The following CDK6 variants were observed in gnomAD, a reference collection of about 807,000 sequenced individuals.
The protein encoded by CDK6 is cyclin-dependent kinase 6.
A neutral mutation model predicts 37.1 loss-of-function variants in CDK6; 6 were observed. The ratio of observed to expected loss-of-function variants is 0.16; its 90% CI spans 0.09 to 0.32. The LOEUF (loss-of-function observed/expected upper bound fraction) is 0.32. Among genes scored for constraint, CDK6 ranks in the 10% least tolerant of loss-of-function variants. The pLI is 1.00. For missense variants in CDK6, 224 were observed against 418.9 expected, an observed-to-expected ratio of 0.53 and a Z score of 4.06; for synonymous variants, 160 against 161.3, an observed-to-expected ratio of 0.99 and a Z score of 0.06.
rs985963167 is a variant in CDK6 at position 92,745,740 on chromosome 7, C to A, written c.370-19947G>T. On this transcript the variant is annotated intron_variant, in intron 3 of 7. Transcript: ENST00000424848. ...TAAATGTAGCCGCTATTTCCAGGAA[C>A]CTGTGTTGCTGATAAGTCTGCTGCT... Among the ~76,000 whole-genome samples, 8 of 152,262 alleles carry A rather than the reference C, an allele frequency of 5.3e-5. No individual in the cohort carries two copies. In the East Asian group the frequency reaches 7.7e-4, roughly 15 times the overall value.
At chr7:92,675,343 A>G (rs1214203230) in intron 4 of CDK6, among the ~76,000 whole-genome samples, 1 of 152,216 alleles carries the variant, frequency 6.6e-6, no homozygotes, top group Non-Finnish European at 1.5e-5. Flanking sequence ...AATTTTTATC[A>G]AATGCTTTTT....
chr7:92,761,738 C>G (rs1252033588), intron 3 of CDK6, among the ~76,000 whole-genome samples: 3 of 152,120 alleles, frequency 2.0e-5, no homozygotes, highest in Non-Finnish European at 4.4e-5. Flanking sequence ...AGTAAGAAGT[C>G]CAGTGAAACT....
rs1166201705 is a variant in CDK6, at chr7:92,605,110, AAACT to A, written c.*10026_*10029del. On this transcript the variant is annotated 3_prime_UTR_variant, in exon 8 of 8. Transcript: ENST00000424848. ...AATACAAAAGGTATTACAAATATACAAACTATTTGCTCTTTTTGCCTCATTCAAT... is the reference window on the plus strand; with the variant it reads ...AATACAAAAGGTATTACAAATATACAATTTGCTCTTTTTGCCTCATTCAAT... 4.3e-6 allele frequency: 1 copy of A among 232,466 alleles called. No homozygotes were observed. The highest frequency in any genetic ancestry group is 2.2e-5 in the African/African-American group (1 of 45,314). 14.4% of individuals were successfully genotyped at this position (232,466 alleles called of 1,614,324 possible). A position where few individuals can be genotyped will look rare whatever the true frequency, so the allele number is the denominator to read the frequency against.
At chr7:92,804,693 C>CAG (rs1224518569) in intron 2 of CDK6, among the ~76,000 whole-genome samples, 1 of 152,102 alleles carries the variant, frequency 6.6e-6, no homozygotes, top group African/African-American at 2.4e-5. Flanking sequence ...TTTTGAAATG[C>CAG]AGAGCTCTGA....
rs1417703963 is a variant in CDK6, at chr7:92,792,872, C to T, written c.234-18041G>A. The stretch of plus-strand genomic sequence containing the variant: ...AGCAATAGTTTGGGAAGTTATCAGC[C>T]TCCAGATGAGACGGAATCTTGGAGG... On this transcript the variant is annotated intron_variant, in intron 2 of 7. Transcript: ENST00000424848. Among the ~76,000 whole-genome samples the T allele has an allele frequency of 4.0e-5, 6 of 151,898 alleles. No individual in the cohort carries two copies. In the South Asian group the frequency reaches 1.2e-3, roughly 31 times the overall value.
chr7:92,755,991 C>T (rs758644770), intron 3 of CDK6, among the ~76,000 whole-genome samples: 8 of 152,068 alleles, frequency 5.3e-5, no homozygotes, highest in Non-Finnish European at 1.2e-4. Context: ...TTGCCCACAA[C>T]GTTTTGCAAG....
At chr7:92,621,152 A>AT (rs755903279) in intron 6 of CDK6, among the ~76,000 whole-genome samples, 2 of 152,182 alleles carry the variant, frequency 1.3e-5, no homozygotes, top group African/African-American at 4.8e-5. Context: ...AGACAGAAAT[A>AT]TTTTTTCAAG....
intron 3 of CDK6, among the ~76,000 whole-genome samples, chr7:92,728,235 C>A (rs897586235): frequency 2.6e-5 from 4 of 152,118 alleles, no homozygotes; most frequent in South Asian, 2.1e-4. Context: ...GAAGAAAAAT[C>A]ACTAAAAAAT....
Position 92,833,274 on chromosome 7 carries a change from G to C in CDK6, c.50C>G (p.Ala17Gly), listed in dbSNP as rs2116034248. 6.2e-6 allele frequency: 10 copies of C among 1,609,370 alleles called. No homozygotes were observed. Among genetic ancestry groups the C allele is most frequent in the Non-Finnish European group, 8.5e-6 (10 of 1,178,800 alleles). The change falls in exon 2 of 8, where the codon GCG becomes GGG. Residue 17 changes from alanine (A) to glycine (G), a missense_variant. Ala to Gly is a moderately conservative substitution (Grantham distance 60). This residue lies in a region of CDK6 where 13 missense variants were observed against 43.8 expected (regional missense o/e 0.30). Coordinates refer to ENST00000424848, the MANE Select transcript of CDK6 (RefSeq NM_001145306.2). This position sits in a 1 kb window ranked among gnomAD's most constrained non-coding sequence, Gnocchi z 6.1. ...CRADQQYECV[A>G]EIGEGAYGKV... ...CCCATAGGCGCCCTCCCCGATCTCC[G>C]CCACGCATTCGTACTGCTGGTCAGC...
chr7:92,663,041 TAG>T (rs1438371837), intron 5 of CDK6, among the ~76,000 whole-genome samples: 1 of 151,798 alleles, frequency 6.6e-6, no homozygotes, highest in Admixed American at 6.6e-5. Flanking sequence ...GTAACAGAAG[TAG>T]AGAGTCAGCG....
intron 2 of CDK6, among the ~76,000 whole-genome samples, chr7:92,830,413 T>C (rs1250934455): frequency 3.3e-5 from 5 of 152,216 alleles, no homozygotes; most frequent in Admixed American, 3.3e-4. Context: ...CCTATAATTA[T>C]GATCAATTAC....
At chr7:92,732,248 T>G (rs557373939) in intron 3 of CDK6, among the ~76,000 whole-genome samples, 1 of 152,172 alleles carries the variant, frequency 6.6e-6, no homozygotes, top group African/African-American at 2.4e-5. Context: ...GGAGACCCTG[T>G]CTCTACAAAA....
chr7:92,738,355 C>T (rs960733952), intron 3 of CDK6, among the ~76,000 whole-genome samples: 1 of 152,080 alleles, frequency 6.6e-6, no homozygotes, highest in Non-Finnish European at 1.5e-5. Context: ...AAATTGGTAT[C>T]ACAGGCCAGC....
At chr7:92,718,957 G>A (rs1335063390) in intron 4 of CDK6, among the ~76,000 whole-genome samples, 3 of 152,138 alleles carry the variant, frequency 2.0e-5, no homozygotes, top group Non-Finnish European at 4.4e-5. Flanking sequence ...AAAGTGATCA[G>A]TAATTATTTG....
chr7:92,770,576 A>C (rs1410020441), intron 3 of CDK6, among the ~76,000 whole-genome samples: 1 of 152,056 alleles, frequency 6.6e-6, no homozygotes, highest in Admixed American at 6.6e-5. Flanking sequence ...ATTTTTCGAA[A>C]ACAAATGGCA....
chr7:92,828,467 T>A (rs1801389113), intron 2 of CDK6, among the ~76,000 whole-genome samples: 1 of 152,194 alleles, frequency 6.6e-6, no homozygotes, highest in South Asian at 2.1e-4. Context: ...TAGCTTGACC[T>A]CCAGAGTGTC....
At position 92,797,789 on chromosome 7, in the gene CDK6, T is replaced by C. The variant is rs369897496; in HGVS notation, c.234-22958A>G. On this transcript the variant is annotated intron_variant, in intron 2 of 7. Transcript: ENST00000424848. ...AAAGGCTAATTGTTAGTTTGGTTTATACTGAATTGTTTTGGTTATGAATTG... is the reference window on the plus strand; with the variant it reads ...AAAGGCTAATTGTTAGTTTGGTTTACACTGAATTGTTTTGGTTATGAATTG... Among the ~76,000 whole-genome samples the C allele has an allele frequency of 7.2e-5, 11 of 152,370 alleles. No individual in the cohort carries two copies. The East Asian group carries it at 1.5e-3, about 21-fold the overall frequency.
At position 92,664,128 on chromosome 7, in the gene CDK6, G is replaced by C. The variant is rs190217141; in HGVS notation, c.647+7298C>G. ...TGCACTCCAGCCTGGGTGACAGAGCGAGACTCTGCCTCAAAAAAATAAAAT... is the reference window on the plus strand; with the variant it reads ...TGCACTCCAGCCTGGGTGACAGAGCCAGACTCTGCCTCAAAAAAATAAAAT... On this transcript the variant is annotated intron_variant, in intron 5 of 7. Coordinates refer to ENST00000424848, the MANE Select transcript of CDK6 (RefSeq NM_001145306.2). Among the ~76,000 whole-genome samples, 756 of 151,736 alleles carry C rather than the reference G, an allele frequency of 5.0e-3. 4 individuals are homozygous for C. The highest frequency in any genetic ancestry group is 0.017 in the African/African-American group (705 of 41,374).
In CDK6 at chr7:92,609,284, G is replaced by C. The variant is rs1562907687; in HGVS notation, c.*5856C>G. ...CAAGTGACACTGCTGTGAGAAAGGTGACCTCTAAAATTAACTTAATCATTT... is the reference window on the plus strand; with the variant it reads ...CAAGTGACACTGCTGTGAGAAAGGTCACCTCTAAAATTAACTTAATCATTT... On this transcript the variant is annotated 3_prime_UTR_variant, in exon 8 of 8. Coordinates refer to ENST00000424848, the MANE Select transcript of CDK6 (RefSeq NM_001145306.2). The C allele has an allele frequency of 4.3e-6, 1 of 232,448 alleles. No individual in the cohort carries two copies. Among genetic ancestry groups the C allele is most frequent in the Non-Finnish European group, 8.5e-6 (1 of 117,696 alleles). 14.4% of individuals were successfully genotyped at this position (232,448 alleles called of 1,614,324 possible).
Sources: allele counts gnomAD v4.1 joint callset (sites outside exome capture counted in the v4.1 genomes callset), GRCh38; gene constraint gnomAD v4.1.1; regional missense constraint gnomAD v4.1.1; non-coding constraint Gnocchi (gnomAD v3.1); transcripts MANE v1.5; gene names NCBI Gene and HGNC (gene_info 2026-07-23, HGNC 2026-07-21).